IL32: variants seen among roughly 807,000 people sequenced by gnomAD.
IL32 encodes interleukin 32.
In IL32, 30 loss-of-function variants were observed where a neutral mutation model predicts 16.6. The ratio of observed to expected loss-of-function variants is 1.81; its 90% CI spans 1.35 to 2.45. The LOEUF is 2.45. Among genes scored for constraint, IL32 ranks in the 30% most tolerant of loss-of-function variants. The pLI, the probability that IL32 is intolerant of heterozygous loss-of-function variation, is 0.00. For missense variants in IL32, 234 were observed against 229.8 expected, an observed-to-expected ratio of 1.02 and a Z score of -0.12; for synonymous variants, 70 against 86.1, an observed-to-expected ratio of 0.81 and a Z score of 1.03.
upstream of IL32, chr16:3,065,635 C>CAGGA: frequency 1.4e-6 from 1 of 732,242 alleles, no homozygotes; most frequent in Admixed American, 2.0e-5. Context: ...GTATTTGTGC[C>CAGGA]AGGAAGACTG....
chr16:3,067,618 G>C lies in IL32; in HGVS notation c.114+5G>C. On this transcript the variant is annotated splice_donor_5th_base_variant and intron_variant, in intron 4 of 6. Transcript: ENST00000525643. Reference sequence around the variant, plus strand: ...GCAGAATCAGGACGTGGACAGGTGGGTGGATTTCCCCTCAGGCACCAGGTC... The same window carrying C: ...GCAGAATCAGGACGTGGACAGGTGGCTGGATTTCCCCTCAGGCACCAGGTC... 6.2e-7 allele frequency: 1 copy of C among 1,602,114 alleles called. No homozygotes were observed. Among genetic ancestry groups the C allele is most frequent in the Non-Finnish European group, 8.5e-7 (1 of 1,170,972 alleles).
chr16:3,065,905 C>A, intron 2 of IL32, 79 bp downstream of exon 2: 2 of 1,548,846 alleles, frequency 1.3e-6, no homozygotes, highest in Non-Finnish European at 1.8e-6. Context: ...CAGTATTTCC[C>A]GAGGTGCCTG....
chr16:3,069,248 T>C lies in IL32; in HGVS notation c.460T>C (p.Ser154Pro). ...LWKQFQSFCC[S>P]LSELFMSSFQ... ...GAAACAGTTCCAGAGTTTCTGCTGC[T>C]CTCTGTCAGAGCTCTTCATGTCCTC... The change falls in exon 7 of 7, where the codon TCT (serine) becomes CCT (proline). Residue 154 changes from serine (S) to proline (P), a missense_variant. This residue lies in a region of IL32 where 53 missense variants were observed against 46.1 expected (regional missense o/e 1.15). Transcript: ENST00000525643. 1.2e-6 allele frequency: 2 copies of C among 1,614,206 alleles called. No individual in the cohort carries two copies. The highest frequency in any genetic ancestry group is 8.5e-7 in the Non-Finnish European group (1 of 1,180,028).
intron 2 of IL32, 81 bp from the exon 3 acceptor site, chr16:3,067,296 T>C: frequency 1.4e-6 from 1 of 701,752 alleles, no homozygotes; most frequent in Non-Finnish European, 2.5e-6. Context: ...TGTGTGTGTG[T>C]GTGTGTGTGT....
intron 2 of IL32, among the ~76,000 whole-genome samples, chr16:3,066,763 C>T (rs1465723259): frequency 6.6e-6 from 1 of 152,144 alleles, no homozygotes; most frequent in East Asian, 1.9e-4. Flanking sequence ...TCTCAATTGT[C>T]ATGTCCCTAA....
intron 2 of IL32, among the ~76,000 whole-genome samples, chr16:3,066,798 A>G (rs921676851): frequency 1.3e-5 from 2 of 151,864 alleles, no homozygotes; most frequent in African/African-American, 4.9e-5. Context: ...GCCAACTCTC[A>G]CCTGGGACCA....
intron 2 of IL32, among the ~76,000 whole-genome samples, chr16:3,066,060 C>T (rs988999810): frequency 6.6e-6 from 1 of 152,112 alleles, no homozygotes; most frequent in African/African-American, 2.4e-5. Context: ...GTCCCAGGAG[C>T]CCTTCACAGC....
intron 2 of IL32, among the ~76,000 whole-genome samples, 175 bp from the exon 3 acceptor site, chr16:3,067,202 G>T (rs1956439883): frequency 1.3e-5 from 2 of 151,862 alleles, no homozygotes; most frequent in South Asian, 2.1e-4. Flanking sequence ...GCCCTGGCCG[G>T]TCTTTCCAGG....
At position 3,068,194 on chromosome 16, in the gene IL32, G is replaced by GACAGTGGC. The variant is rs1170523756; in HGVS notation, c.156_157insACAGTGGC (p.Gly53ThrfsTer60). On this transcript the variant is annotated frameshift_variant, in exon 6 of 7. Transcript: ENST00000525643. LOFTEE classifies it low-confidence loss of function (END_TRUNC). ...CCTCTCCCCAGGACGACTTCAAAGAGGGCTACCTGGAGACAGTGGCGGCTT... is the reference window on the plus strand; with the variant it reads ...CCTCTCCCCAGGACGACTTCAAAGAGACAGTGGCGGCTACCTGGAGACAGTGGCGGCTT... 4.4e-6 allele frequency: 7 copies of GACAGTGGC among 1,604,226 alleles called. No individual in the cohort carries two copies. In the East Asian group the frequency reaches 1.6e-4, roughly 36 times the overall value.
upstream of IL32, chr16:3,065,571 G>T (rs1042985706): frequency 3.2e-6 from 2 of 617,626 alleles, no homozygotes; most frequent in South Asian, 3.7e-5. Flanking sequence ...AAGGCCTCCT[G>T]CCCTGAGAGA....
At chr16:3,068,315 T>A in intron 6 of IL32, 76 bp downstream of exon 6, 3 of 1,369,834 alleles carry the variant, frequency 2.2e-6, no homozygotes, top group Non-Finnish European at 3.1e-6. Flanking sequence ...TCTTTCTTTT[T>A]GTTTATTTGA....
chr16:3,069,279 A>C lies in IL32; in HGVS notation c.491A>C (p.Gln164Pro), dbSNP rs373154056. 12 of 1,614,108 alleles carry C rather than the reference A, an allele frequency of 7.4e-6. No homozygotes were observed. Among genetic ancestry groups the C allele is most frequent in the Non-Finnish European group, 1.0e-5 (12 of 1,180,046 alleles). The change falls in exon 7 of 7, where the codon CAG becomes CCG. Residue 164 changes from glutamine to proline, a missense_variant. Transcript: ENST00000525643. ...TCAGAGCTCTTCATGTCCTCTTTCCAGTCCTACGGAGCCCCACGGGGGGAC... is the reference window on the plus strand; with the variant it reads ...TCAGAGCTCTTCATGTCCTCTTTCCCGTCCTACGGAGCCCCACGGGGGGAC... ...SLSELFMSSFQSYGAPRGDKE... is the reference protein window; with the variant it reads ...SLSELFMSSFPSYGAPRGDKE...
intron 2 of IL32, among the ~76,000 whole-genome samples, chr16:3,067,013 G>GGGCCTGCCCAGC (rs1567140820): frequency 3.5e-4 from 24 of 68,874 alleles, no homozygotes; most frequent in East Asian, 5.5e-4. Context: ...CCCTGCTCTT[G>GGGCCTGCCCAGC]TGAGGAGGGG....
At chr16:3,066,987 C>T (rs1303384113) in intron 2 of IL32, among the ~76,000 whole-genome samples, 1 of 90,946 alleles carries the variant, frequency 1.1e-5, no homozygotes, top group Non-Finnish European at 2.4e-5. Flanking sequence ...GGAGGGGTCA[C>T]CTAGGCCCAC....
chr16:3,068,125 G>T (rs1956629505), intron 5 of IL32, 55 bp from the exon 6 acceptor site: 5 of 1,604,314 alleles, frequency 3.1e-6, no homozygotes, highest in Non-Finnish European at 4.3e-6. Context: ...GGGGGCCACA[G>T]TGGGAAGGGG....
At chr16:3,066,812 T>C (rs965719523) in intron 2 of IL32, among the ~76,000 whole-genome samples, 7 of 152,054 alleles carry the variant, frequency 4.6e-5, no homozygotes, top group East Asian at 1.9e-4. Flanking sequence ...GGGACCATAG[T>C]GGTTGTGGGA....
chr16:3,066,000 G>T (rs1956266993), intron 2 of IL32, among the ~76,000 whole-genome samples, 174 bp downstream of exon 2: 1 of 152,180 alleles, frequency 6.6e-6, no homozygotes, highest in Admixed American at 6.5e-5. Context: ...GAGGTCATAT[G>T]TGTCGGGGGC....
chr16:3,065,511 G>GTCTGTC (rs537534816), upstream of IL32: 334 of 540,978 alleles, frequency 6.2e-4, no homozygotes, highest in South Asian at 1.4e-3. Context: ...CTCCATCTCT[G>GTCTGTC]TCTGTCTCTG....
intron 2 of IL32, among the ~76,000 whole-genome samples, chr16:3,066,221 C>G (rs769587597): frequency 1.3e-5 from 2 of 151,994 alleles, no homozygotes; most frequent in Non-Finnish European, 2.9e-5. Context: ...TCCCTCCGAC[C>G]TCCCATCCTC....
Sources: allele counts gnomAD v4.1 joint callset (sites outside exome capture counted in the v4.1 genomes callset), GRCh38; gene constraint gnomAD v4.1.1; regional missense constraint gnomAD v4.1.1; transcripts MANE v1.5; gene names NCBI Gene and HGNC (gene_info 2026-07-23, HGNC 2026-07-21).